FRMPD4: variants seen among roughly 807,000 people sequenced by gnomAD.
FRMPD4 encodes FERM and PDZ domain containing 4.
FRMPD4 carries 22 observed loss-of-function variants against 94.1 expected under a neutral mutation model. That is an observed-to-expected ratio of 0.23 (90% CI 0.17 to 0.33). The LOEUF is 0.33. FRMPD4 is among the 10% of genes least tolerant of loss of function. The pLI, the probability that FRMPD4 is intolerant of heterozygous loss-of-function variation, is 1.00. For synonymous variants in FRMPD4, 631 were observed against 548.6 expected (o/e 1.15, Z -2.10); for missense variants, 1,111 against 1,339.9 (o/e 0.83, Z 2.67).
intron 1 of FRMPD4, among the ~76,000 whole-genome samples, chrX:12,141,677 G>T (rs763101396): frequency 1.9e-5 from 2 of 104,927 alleles, no homozygotes; most frequent in Non-Finnish European, 3.8e-5. Flanking sequence ...TGCATCCTTC[G>T]TGGGTGGCAC....
At chrX:12,686,312 G>A (rs1197528291) in intron 7 of FRMPD4, 108 bp downstream of exon 7, 7 of 438,681 alleles carry the variant, frequency 1.6e-5, no homozygotes, top group African/African-American at 1.0e-4. Context: ...CTTTATTTCT[G>A]CAGTTTTGTT....
chrX:12,197,134 G>A (rs775734389), intron 1 of FRMPD4, among the ~76,000 whole-genome samples: 5 of 110,816 alleles, frequency 4.5e-5, no homozygotes, highest in Non-Finnish European at 7.6e-5. Flanking sequence ...TATTGAGGAG[G>A]TATTCTCTGA....
At chrX:12,631,183 G>A (rs1266000179) in intron 4 of FRMPD4, among the ~76,000 whole-genome samples, 2 of 111,467 alleles carry the variant, frequency 1.8e-5, no homozygotes, top group African/African-American at 6.5e-5. Context: ...GTGCACCCAG[G>A]CAGTGCAGGG....
At chrX:12,385,024 C>T (rs1214049232) in intron 1 of FRMPD4, among the ~76,000 whole-genome samples, 1 of 112,339 alleles carries the variant, frequency 8.9e-6, no homozygotes, top group Non-Finnish European at 1.9e-5. Context: ...AGGCAGACTT[C>T]GGATGGCTGA....
intron 5 of FRMPD4, among the ~76,000 whole-genome samples, chrX:12,679,753 A>G (rs1031287411): frequency 8.9e-6 from 1 of 112,144 alleles, no homozygotes; most frequent in African/African-American, 3.2e-5. Context: ...ACTCTGAGGC[A>G]TGTGGTCTAC....
At position 12,292,970 on chromosome X, in the gene FRMPD4, ATT is replaced by A. The variant is rs57824346; in HGVS notation, c.41+153970_41+153971del. Among the ~76,000 whole-genome samples the A allele has an allele frequency of 1.2e-3, 124 of 102,865 alleles. 1 individual carries two copies. The highest frequency in any genetic ancestry group is 2.1e-3 in the Non-Finnish European group (104 of 50,033). The allele number at this position is 102,865 out of a possible 115,157, so 89.3% of individuals were successfully genotyped here. A position where few individuals can be genotyped will look rare whatever the true frequency, so the allele number is the denominator to read the frequency against. On this transcript the variant is annotated intron_variant, in intron 1 of 16. Transcript: ENST00000675598. ...TTCTTCCAGGGAATATAGAATATGG[ATT>A]TTTTTTTTTTTAATGAGAGCTGGAT...
In FRMPD4 at chrX:12,473,243, C is replaced by A. The variant is rs759475929; in HGVS notation, c.42-25437C>A. On this transcript the variant is annotated intron_variant, in intron 1 of 16. Transcript: ENST00000675598. ...TCATAAGTGAAGGAGAAATAAAATCCTTTACAGACAAGCAAATGCTGATTT... is the reference window on the plus strand; with the variant it reads ...TCATAAGTGAAGGAGAAATAAAATCATTTACAGACAAGCAAATGCTGATTT... 7.3e-5 allele frequency among the ~76,000 whole-genome samples: 8 copies of A among 109,643 alleles called. No homozygotes were observed. The East Asian group carries it at 2.2e-3, about 31-fold the overall frequency.
chrX:12,087,166 G>T (rs771836378), intron 3 of FRMPD4, among the ~76,000 whole-genome samples: 1 of 111,613 alleles, frequency 9.0e-6, no homozygotes, highest in South Asian at 3.9e-4. Flanking sequence ...TATACTCAAG[G>T]GGAGGGGATT....
At chrX:11,846,022 C>T (rs1250350596) in intron 1 of FRMPD4, among the ~76,000 whole-genome samples, 8 of 102,886 alleles carry the variant, frequency 7.8e-5, no homozygotes, top group African/African-American at 2.8e-4. Flanking sequence ...GTTGGAAGTT[C>T]TGGCCAGGGC....
chrX:12,006,873 G>T (rs1723455126), intron 3 of FRMPD4, among the ~76,000 whole-genome samples: 1 of 111,921 alleles, frequency 8.9e-6, no homozygotes, highest in Non-Finnish European at 1.9e-5. Flanking sequence ...ACTGTAGCTT[G>T]TCTGCTTTGG....
chrX:12,499,218 A>C (rs983994242), intron 2 of FRMPD4, among the ~76,000 whole-genome samples: 2 of 111,796 alleles, frequency 1.8e-5, no homozygotes, highest in Non-Finnish European at 3.8e-5. Flanking sequence ...TCTCATCTGT[A>C]ATTTTTTAAA....
intron 1 of FRMPD4, among the ~76,000 whole-genome samples, chrX:12,472,231 C>G (rs1198428098): frequency 8.9e-6 from 1 of 112,417 alleles, no homozygotes; most frequent in Admixed American, 9.4e-5. Flanking sequence ...GTCAAATCTA[C>G]TTGCCATCAC....
At chrX:11,916,242 A>G (rs988648232) in intron 3 of FRMPD4, among the ~76,000 whole-genome samples, 1 of 111,509 alleles carries the variant, frequency 9.0e-6, no homozygotes, top group African/African-American at 3.3e-5. Context: ...AGAGGAATGG[A>G]TGGCAGAAAG....
chrX:12,332,661 A>T (rs1410537841), intron 1 of FRMPD4, among the ~76,000 whole-genome samples: 2 of 111,915 alleles, frequency 1.8e-5, no homozygotes, highest in African/African-American at 6.5e-5. Flanking sequence ...AACTAGTATT[A>T]AAACTTATGA....
At chrX:12,318,252 G>A (rs112201087) in intron 1 of FRMPD4, among the ~76,000 whole-genome samples, 3,289 of 112,598 alleles carry the variant, frequency 0.029, 110 homozygotes, top group African/African-American at 0.1. Flanking sequence ...CTGACCAGCT[G>A]AGGCAGCTCA....
chrX:12,188,971 C>T (rs1381048530), intron 1 of FRMPD4, among the ~76,000 whole-genome samples: 1 of 111,116 alleles, frequency 9.0e-6, no homozygotes, highest in Non-Finnish European at 1.9e-5. Context: ...AACAGGAAAT[C>T]AATAAAGAAA....
chrX:12,518,784 G>A (rs960739899), intron 2 of FRMPD4, among the ~76,000 whole-genome samples: 5 of 110,573 alleles, frequency 4.5e-5, no homozygotes, highest in African/African-American at 1.3e-4. Context: ...CAGATGACAC[G>A]AGCTTATATG....
intron 3 of FRMPD4, among the ~76,000 whole-genome samples, chrX:11,948,810 AT>A (rs751148192): frequency 1.8e-5 from 2 of 112,325 alleles, no homozygotes; most frequent in Non-Finnish European, 3.8e-5. Flanking sequence ...TTTTTGATAC[AT>A]TTTATTTTAA....
intron 1 of FRMPD4, among the ~76,000 whole-genome samples, chrX:12,197,499 G>T (rs976294524): frequency 2.7e-5 from 3 of 111,657 alleles, no homozygotes; most frequent in Non-Finnish European, 5.6e-5. Context: ...GAGAAGAGAA[G>T]TGGGCACATG....
Sources: allele counts gnomAD v4.1 joint callset (sites outside exome capture counted in the v4.1 genomes callset), GRCh38; gene constraint gnomAD v4.1.1; transcripts MANE v1.5; gene names NCBI Gene and HGNC (gene_info 2026-07-23, HGNC 2026-07-21).